Variants in EHD3 observed in about 807,000 individuals in gnomAD.
EHD3 encodes EH domain containing 3.
A neutral mutation model predicts 43.0 loss-of-function variants in EHD3; 17 were observed. That is an observed-to-expected ratio of 0.40 (90% CI 0.27 to 0.59). The LOEUF is 0.59. Among genes scored for constraint, EHD3 ranks in the 20% least tolerant of loss-of-function variants. EHD3 has a pLI of 0.49. For synonymous variants in EHD3, 313 were observed against 289.5 expected, an observed-to-expected ratio of 1.08 and a Z score of -0.82; for missense variants, 594 against 705.6, an observed-to-expected ratio of 0.84 and a Z score of 1.79.
intron 3 of EHD3, among the ~76,000 whole-genome samples, chr2:31,256,817 G>A (rs929367143): frequency 2.6e-5 from 4 of 152,190 alleles, no homozygotes; most frequent in African/African-American, 7.2e-5. Context: ...TGGTGGAGGC[G>A]TGGCTACAGT....
chr2:31,245,543 ATATATATATATTT>A (rs1287282595), intron 2 of EHD3, among the ~76,000 whole-genome samples: 10 of 55,482 alleles, frequency 1.8e-4, no homozygotes, highest in African/African-American at 8.3e-4. Context: ...ATATATATAT[ATATATATATATTT>A]TTTTTTTTTT....
At chr2:31,244,992 T>A (rs1244023288) in intron 2 of EHD3, among the ~76,000 whole-genome samples, 1 of 152,192 alleles carries the variant, frequency 6.6e-6, no homozygotes, top group Non-Finnish European at 1.5e-5. Context: ...ATCATCATGA[T>A]GATGTGAATG....
chr2:31,243,460 C>CTTTCTTTTTTTTTTTTTTTTTTTT (rs1553402472), intron 1 of EHD3, among the ~76,000 whole-genome samples: 1 of 98,466 alleles, frequency 1.0e-5, no homozygotes, highest in Non-Finnish European at 1.8e-5. Flanking sequence ...TTCTTTCTTT[C>CTTTCTTTTTTTTTTTTTTTTTTTT]TTTTTTTTTT....
In EHD3 at chr2:31,267,852, C is replaced by CTG. The variant is rs1683985605; in HGVS notation, c.*1148_*1149insTG. The CTG allele has an allele frequency of 2.6e-5, 4 of 152,342 alleles. No individual in the cohort carries two copies. In the South Asian group the frequency reaches 8.3e-4, roughly 32 times the overall value. 9.4% of individuals were successfully genotyped at this position (152,342 alleles called of 1,614,324 possible). A position where few individuals can be genotyped will look rare whatever the true frequency, so the allele number is the denominator to read the frequency against. ...GAGGGCCGGCCAGCATTTGGTGGCC[C>CTG]ATCAGTCTGGCCATCTGTCACGTCA... is the stretch of plus-strand genomic sequence containing the variant. On this transcript the variant is annotated 3_prime_UTR_variant, in exon 6 of 6. Transcript: ENST00000322054.
At chr2:31,259,173 C>T (rs1683803401) in intron 3 of EHD3, among the ~76,000 whole-genome samples, 1 of 152,126 alleles carries the variant, frequency 6.6e-6, no homozygotes, top group African/African-American at 2.4e-5. Flanking sequence ...AGAAAGGGCT[C>T]CTACCTTGGT....
In EHD3 at chr2:31,266,244, A is replaced by T; in HGVS notation, c.1148A>T (p.Asp383Val). 1 of 1,614,178 alleles carries T rather than the reference A, an allele frequency of 6.2e-7. No individual in the cohort carries two copies. The highest frequency in any genetic ancestry group is 8.5e-7 in the Non-Finnish European group (1 of 1,180,032). Residue 383 changes from aspartate to valine, a missense_variant, in exon 6 of 6, where the codon GAC becomes GTC. Coordinates refer to ENST00000322054, the MANE Select transcript of EHD3 (RefSeq NM_014600.3). This position sits in a 1 kb window ranked among gnomAD's most constrained non-coding sequence, Gnocchi z 5.1. ...AAGAGCAAGCTGCTGGAGGTAGTGG[A>T]CGACATGCTGGCCCATGACATTGCC... is the stretch of plus-strand genomic sequence containing the variant. The part of the protein sequence containing the change: ...PLKSKLLEVV[D>V]DMLAHDIAQL...
intron 3 of EHD3, among the ~76,000 whole-genome samples, chr2:31,257,902 C>A (rs1195424967): frequency 6.6e-6 from 1 of 152,128 alleles, no homozygotes; most frequent in African/African-American, 2.4e-5. Flanking sequence ...CGATGACGCA[C>A]CCATCAGGAA....
rs928165987 is a variant in EHD3, at chr2:31,244,430, T to C, written c.384T>C (p.Phe128=). The part of the protein sequence containing the change: ...PKKPFRKLNA[F]GNAFLNRFVC... ...AACCCTTCAGGAAACTCAACGCCTT[T>C]GGCAACGCCTTCTTGAACAGGTGAG... The change falls in exon 2 of 6, where the codon TTT becomes TTC. Residue 128 remains phenylalanine, a synonymous_variant. Coordinates refer to ENST00000322054, the MANE Select transcript of EHD3 (RefSeq NM_014600.3). The C allele has an allele frequency of 3.7e-6, 6 of 1,614,056 alleles. No individual in the cohort carries two copies. The Admixed American group carries it at 5.0e-5, about 13-fold the overall frequency.
chr2:31,261,626 G>C lies in EHD3; in HGVS notation c.993G>C (p.Leu331=). ...VFGKDNKKKE[L]VNNLAEIYGR... ...GGAAGGACAACAAGAAGAAGGAGCT[G>C]GTCAACAACCTGGCCGAGATCTATG... Residue 331 remains leucine, a synonymous_variant, in exon 5 of 6, where the codon CTG becomes CTC. Transcript: ENST00000322054. 2 of 1,614,212 alleles carry C rather than the reference G, an allele frequency of 1.2e-6. No individual in the cohort carries two copies. Among genetic ancestry groups the C allele is most frequent in the Non-Finnish European group, 1.7e-6 (2 of 1,180,034 alleles).
chr2:31,234,539 C>T lies in EHD3; in HGVS notation c.-83C>T, dbSNP rs557650384. On this transcript the variant is annotated 5_prime_UTR_variant, in exon 1 of 6. Transcript: ENST00000322054. ...TGAGGCGGCGGCGCGGCTCGGAGCC[C>T]GGCGGACCGGTCCTACGGGACATCT... 96 of 1,504,822 alleles carry T rather than the reference C, an allele frequency of 6.4e-5. No homozygotes were observed. In the African/African-American group the frequency reaches 1.1e-3, roughly 18 times the overall value. 93.2% of individuals were successfully genotyped at this position (1,504,822 alleles called of 1,614,324 possible).
intron 4 of EHD3, among the ~76,000 whole-genome samples, 172 bp downstream of exon 4, chr2:31,261,094 T>C (rs571300620): frequency 6.6e-6 from 1 of 152,360 alleles, no homozygotes; most frequent in South Asian, 2.1e-4. Flanking sequence ...ATGGCCAGAT[T>C]GGAACTGACT....
chr2:31,261,826 A>C (rs909894645), intron 5 of EHD3, 113 bp downstream of exon 5: 20 of 1,145,488 alleles, frequency 1.7e-5, no homozygotes, highest in Non-Finnish European at 2.3e-5. Flanking sequence ...CCCGCCCAGA[A>C]TCTGCAGGCA....
chr2:31,267,258 G>A lies in EHD3; in HGVS notation c.*554G>A, dbSNP rs1276456072. ...CTAGAGACATTGGCCCAGGAGCTCT[G>A]TTCTTTCCTAATCTAAGCCTCTGTC... On this transcript the variant is annotated 3_prime_UTR_variant, in exon 6 of 6. Coordinates refer to ENST00000322054, the MANE Select transcript of EHD3 (RefSeq NM_014600.3). 1 of 152,746 alleles carries A rather than the reference G, an allele frequency of 6.5e-6. No homozygotes were observed. The highest frequency in any genetic ancestry group is 2.4e-5 in the African/African-American group (1 of 41,446). 9.5% of individuals were successfully genotyped at this position (152,746 alleles called of 1,614,324 possible). A position where few individuals can be genotyped will look rare whatever the true frequency, so the allele number is the denominator to read the frequency against.
At chr2:31,250,044 A>G (rs560135592) in intron 3 of EHD3, among the ~76,000 whole-genome samples, 12 of 146,800 alleles carry the variant, frequency 8.2e-5, no homozygotes, top group African/African-American at 2.5e-4. Context: ...CTGCCACTTC[A>G]TAGCACAGTG....
At chr2:31,258,114 G>A (rs1683787241) in intron 3 of EHD3, among the ~76,000 whole-genome samples, 1 of 152,190 alleles carries the variant, frequency 6.6e-6, no homozygotes, top group South Asian at 2.1e-4. Context: ...AGATCTTGGA[G>A]AAAATCACAT....
rs72861123 is a variant in EHD3 at position 31,252,456 on chromosome 2, T to G, written c.502+2988T>G. On this transcript the variant is annotated intron_variant, in intron 3 of 5. Transcript: ENST00000322054. ...ATTCTATTCTTTTCCTATTTCTGTTTTTGTTGTTGTTGTTGTTGTTGCTGT... is the reference window on the plus strand; with the variant it reads ...ATTCTATTCTTTTCCTATTTCTGTTGTTGTTGTTGTTGTTGTTGTTGCTGT... 4.7e-3 allele frequency among the ~76,000 whole-genome samples: 718 copies of G among 152,224 alleles called. 5 individuals are homozygous for G. The highest frequency in any genetic ancestry group is 0.016 in the African/African-American group (672 of 41,526).
At chr2:31,243,677 A>T (rs1040574762) in intron 1 of EHD3, among the ~76,000 whole-genome samples, 1 of 151,764 alleles carries the variant, frequency 6.6e-6, no homozygotes, top group Non-Finnish European at 1.5e-5. Context: ...GCTGGTCTTG[A>T]ACTCCTGACC....
intron 3 of EHD3, among the ~76,000 whole-genome samples, chr2:31,250,574 T>A (rs1055855577): frequency 8.5e-5 from 13 of 152,134 alleles, no homozygotes; most frequent in African/African-American, 3.1e-4. Context: ...GCCTGTTTTC[T>A]TTTTTCTAAC....
At chr2:31,235,268 A>G (rs556776149) in intron 1 of EHD3, among the ~76,000 whole-genome samples, 8 of 152,186 alleles carry the variant, frequency 5.3e-5, no homozygotes, top group East Asian at 1.9e-4. Context: ...TTGTTTTTCA[A>G]GGGGCTTGGC....
Sources: allele counts gnomAD v4.1 joint callset (sites outside exome capture counted in the v4.1 genomes callset), GRCh38; gene constraint gnomAD v4.1.1; non-coding constraint Gnocchi (gnomAD v3.1); transcripts MANE v1.5; gene names NCBI Gene and HGNC (gene_info 2026-07-23, HGNC 2026-07-21).